NCAPH: variants seen among roughly 807,000 people sequenced by gnomAD.
NCAPH encodes the protein non-SMC condensin I complex subunit H.
A neutral mutation model predicts 85.5 loss-of-function variants in NCAPH; 38 were observed. The ratio of observed to expected loss-of-function variants is 0.44; its 90% CI spans 0.34 to 0.58. The LOEUF is 0.58. Among genes scored for constraint, NCAPH ranks in the 20% least tolerant of loss-of-function variants. The pLI, the probability that NCAPH is intolerant of heterozygous loss-of-function variation, is 0.01. For missense variants in NCAPH, 789 were observed against 916.6 expected (o/e 0.86, Z 1.80); for synonymous variants, 301 against 335.1 (o/e 0.90, Z 1.11).
intron 6 of NCAPH, among the ~76,000 whole-genome samples, chr2:96,348,942 C>T (rs531332532): frequency 4.3e-4 from 66 of 152,326 alleles, no homozygotes; most frequent in East Asian, 1.7e-3. Context: ...AGCCACCGCT[C>T]CTGGCCCTTA....
chr2:96,343,903 T>G (rs1477572769), intron 5 of NCAPH, among the ~76,000 whole-genome samples: 1 of 152,166 alleles, frequency 6.6e-6, no homozygotes, highest in Non-Finnish European at 1.5e-5. Flanking sequence ...GGTTTTGTCA[T>G]GTTGGCCAGG....
chr2:96,353,222 C>A (rs773675603), intron 7 of NCAPH, 84 bp from the exon 8 acceptor site: 80 of 1,107,646 alleles, frequency 7.2e-5, no homozygotes, highest in Non-Finnish European at 1.0e-4. Flanking sequence ...CATCTCTCGT[C>A]CCACTCAGTA....
intron 7 of NCAPH, 69 bp downstream of exon 7, chr2:96,352,089 G>T: frequency 7.1e-7 from 1 of 1,410,706 alleles, no homozygotes; most frequent in African/African-American, 1.4e-5. Flanking sequence ...TAACCATGGG[G>T]TACAATAAGC....
intron 12 of NCAPH, among the ~76,000 whole-genome samples, chr2:96,361,761 T>TATATAC (rs1446875383): frequency 2.4e-4 from 31 of 129,144 alleles, no homozygotes; most frequent in South Asian, 1.4e-3. Flanking sequence ...TATATATATA[T>TATATAC]ATATATACAT....
chr2:96,359,230 A>G, intron 10 of NCAPH, 37 bp downstream of exon 10: 2 of 1,609,396 alleles, frequency 1.2e-6, no homozygotes, highest in Non-Finnish European at 1.7e-6. Context: ...GAAAAGAAGT[A>G]GTGTAGATGA....
chr2:96,371,108 CAAG>C (rs1024358354), intron 17 of NCAPH, among the ~76,000 whole-genome samples: 1 of 152,142 alleles, frequency 6.6e-6, no homozygotes, highest in African/African-American at 2.4e-5. Flanking sequence ...ATTGTTCTGA[CAAG>C]AAATCTACAA....
intron 6 of NCAPH, among the ~76,000 whole-genome samples, chr2:96,348,391 G>A (rs953066600): frequency 1.8e-4 from 27 of 151,804 alleles, no homozygotes; most frequent in Non-Finnish European, 3.5e-4. Context: ...GGGTTTCACC[G>A]TGTTAGCCAG....
chr2:96,369,406 C>T lies in NCAPH; in HGVS notation c.2091-19C>T. On this transcript the variant is annotated intron_variant, in intron 16 of 17. Transcript: ENST00000240423. ...CTAACAGTTGGCAGTGACCTAAATA[C>T]TTGCCCCTTTCTTTCCAGCCTGCCC... The T allele has an allele frequency of 1.2e-6, 2 of 1,609,060 alleles. No homozygotes were observed. Among genetic ancestry groups the T allele is most frequent in the East Asian group, 2.2e-5 (1 of 44,854 alleles).
chr2:96,348,077 G>A (rs2064384739), intron 6 of NCAPH, among the ~76,000 whole-genome samples: 1 of 152,094 alleles, frequency 6.6e-6, no homozygotes, highest in African/African-American at 2.4e-5. Context: ...CTTAGCTGTT[G>A]ACCTGGGAAG....
intron 6 of NCAPH, among the ~76,000 whole-genome samples, chr2:96,345,266 C>T (rs570122159): frequency 6.6e-6 from 1 of 152,260 alleles, no homozygotes; most frequent in East Asian, 1.9e-4. Context: ...AGTGGGGGCC[C>T]CTCTGAAACT....
chr2:96,354,216 A>G lies in NCAPH; in HGVS notation c.1036A>G (p.Asn346Asp). 1 of 1,614,156 alleles carries G rather than the reference A, an allele frequency of 6.2e-7. No homozygotes were observed. Among genetic ancestry groups the G allele is most frequent in the Non-Finnish European group, 8.5e-7 (1 of 1,180,016 alleles). ...VSALVDKFKK[N>D]DQVFDINAEV... ...GGCCCTGGTAGACAAGTTTAAGAAG[A>G]ATGACCAGGTATTTGACATCAATGC... Residue 346 changes from asparagine (N) to aspartate (D), a missense_variant, in exon 9 of 18, where the codon AAT becomes GAT. By Grantham distance (23) the Asn-to-Asp change is conservative. Coordinates refer to ENST00000240423, the MANE Select transcript of NCAPH (RefSeq NM_015341.5).
intron 9 of NCAPH, among the ~76,000 whole-genome samples, chr2:96,355,966 T>C (rs1445696549): frequency 6.6e-6 from 1 of 152,140 alleles, no homozygotes; most frequent in East Asian, 1.9e-4. Context: ...AAATGATAGG[T>C]TGATGGGATG....
In NCAPH at chr2:96,369,651, A is replaced by G. The variant is rs2064746260; in HGVS notation, c.2166+151A>G. ...CTTCAACCCAAATGATTAGCCAGGCATCTAGAAGTAACTTAGGAAAAAGCC... is the reference window on the plus strand; with the variant it reads ...CTTCAACCCAAATGATTAGCCAGGCGTCTAGAAGTAACTTAGGAAAAAGCC... On this transcript the variant is annotated intron_variant, in intron 17 of 17. Coordinates refer to ENST00000240423, the MANE Select transcript of NCAPH (RefSeq NM_015341.5). The G allele has an allele frequency of 7.9e-6, 6 of 760,536 alleles. No homozygotes were observed. The East Asian group carries it at 1.6e-4, about 20-fold the overall frequency. The allele number at this position is 760,536 out of a possible 1,614,324, so 47.1% of individuals were successfully genotyped here.
chr2:96,360,966 G>C (rs1377038852), intron 12 of NCAPH, among the ~76,000 whole-genome samples: 1 of 152,014 alleles, frequency 6.6e-6, no homozygotes. Flanking sequence ...CTGAAATTCA[G>C]GGGGGCAGTG....
At chr2:96,369,617 A>G (rs1309313608) in intron 17 of NCAPH, 117 bp downstream of exon 17, 4 of 1,060,534 alleles carry the variant, frequency 3.8e-6, no homozygotes, top group Non-Finnish European at 4.3e-6. Context: ...ACAGTGACTT[A>G]TGTAGCACCT....
intron 9 of NCAPH, among the ~76,000 whole-genome samples, chr2:96,357,323 G>A (rs894236121): frequency 5.3e-5 from 8 of 152,172 alleles, no homozygotes; most frequent in Non-Finnish European, 1.0e-4. Context: ...GTTTGAAGTG[G>A]GCAGCCTTGA....
intron 1 of NCAPH, chr2:96,341,376 T>G (rs2064291990): frequency 2.3e-6 from 1 of 427,572 alleles, no homozygotes; most frequent in Non-Finnish European, 4.2e-6. Flanking sequence ...TATCATCCAT[T>G]TTTATATCCA....
chr2:96,339,277 A>C (rs1264861044), intron 1 of NCAPH, among the ~76,000 whole-genome samples: 1 of 151,598 alleles, frequency 6.6e-6, no homozygotes, highest in East Asian at 1.9e-4. Flanking sequence ...TCACCCTCTC[A>C]TTTCTCTCCA....
In NCAPH at chr2:96,353,355, C is replaced by T. The variant is rs763605532; in HGVS notation, c.960C>T (p.Ala320=). 1.4e-5 allele frequency: 23 copies of T among 1,614,186 alleles called. No individual in the cohort carries two copies. Among genetic ancestry groups the T allele is most frequent in the South Asian group, 3.3e-5 (3 of 91,082 alleles). The part of the protein sequence containing the change: ...AEDRQICPSL[A]GFQFTQWDSE... ...ATCGCCAGATCTGCCCTTCCCTGGC[C>T]GGGTTCCAGTTTACACAGTGGGACA... The change falls in exon 8 of 18, where the codon GCC becomes GCT. Residue 320 remains alanine (A), a synonymous_variant. Transcript: ENST00000240423.
Sources: gnomAD v4.1 joint callset for allele counts (sites outside exome capture counted in the v4.1 genomes callset) on GRCh38, gnomAD v4.1.1 for gene constraint, MANE v1.5 for transcripts, NCBI Gene and HGNC (gene_info 2026-07-23, HGNC 2026-07-21) for gene names.